Variants in ERBB4 observed in about 807,000 individuals in gnomAD.
The protein encoded by ERBB4 is receptor tyrosine-protein kinase erbB-4.
Under a neutral mutation model 158.0 loss-of-function variants are expected in ERBB4, and 42 were observed. The observed-to-expected ratio is 0.27, with a 90% CI of 0.21 to 0.34. The LOEUF (loss-of-function observed/expected upper bound fraction) is 0.34. ERBB4 is among the 10% of genes least tolerant of loss of function. The probability of loss-of-function intolerance (pLI) is 1.00; values close to 1 mark genes in which losing one functional copy is unlikely to be tolerated. For missense variants in ERBB4, 1,333 were observed against 1,624.1 expected (o/e 0.82, Z 3.08); for synonymous variants, 583 against 558.7 (o/e 1.04, Z -0.61).
At chr2:211,887,022 A>C (rs2106168669) in intron 3 of ERBB4, among the ~76,000 whole-genome samples, 1 of 152,310 alleles carries the variant, frequency 6.6e-6, no homozygotes, top group Admixed American at 6.5e-5. Context: ...GAAAAGCATT[A>C]AGTCTTCAAC....
At chr2:211,758,267 CA>C (rs1350909974) in intron 4 of ERBB4, among the ~76,000 whole-genome samples, 1 of 152,098 alleles carries the variant, frequency 6.6e-6, no homozygotes, top group African/African-American at 2.4e-5. Context: ...ATGCTCCTTC[CA>C]ACATGCCTTC....
At chr2:211,824,874 C>T (rs1446099100) in intron 3 of ERBB4, among the ~76,000 whole-genome samples, 2 of 151,898 alleles carry the variant, frequency 1.3e-5, no homozygotes, top group Non-Finnish European at 2.9e-5. Flanking sequence ...ATGTTAATTA[C>T]CGGACTGTAA....
intron 1 of ERBB4, among the ~76,000 whole-genome samples, chr2:212,255,502 C>T (rs1016463041): frequency 6.6e-6 from 1 of 152,142 alleles, no homozygotes; most frequent in Non-Finnish European, 1.5e-5. Flanking sequence ...ACCAAATAGT[C>T]TATCAGTTCT....
At chr2:212,218,921 T>C (rs978672046) in intron 1 of ERBB4, among the ~76,000 whole-genome samples, 7 of 151,428 alleles carry the variant, frequency 4.6e-5, no homozygotes, top group Admixed American at 4.0e-4. Flanking sequence ...GTTCACCATA[T>C]GTACTAGAAC....
intron 1 of ERBB4, among the ~76,000 whole-genome samples, chr2:212,210,540 T>C (rs1269827473): frequency 6.6e-6 from 1 of 152,050 alleles, no homozygotes; most frequent in Non-Finnish European, 1.5e-5. Context: ...ATGATATCCA[T>C]CAATCAGAGA....
At position 211,630,482 on chromosome 2, in the gene ERBB4, T is replaced by C; in HGVS notation, c.2059A>G (p.Arg687Gly). 1.2e-6 allele frequency: 2 copies of C among 1,613,420 alleles called. No homozygotes were observed. The highest frequency in any genetic ancestry group is 1.7e-6 in the Non-Finnish European group (2 of 1,179,444). The change falls in exon 17 of 28, where the codon AGA (arginine) becomes GGA (glycine). Residue 687 changes from arginine to glycine, a missense_variant. By Grantham distance (125) the Arg-to-Gly change is moderately radical. This residue lies in a region of ERBB4 where 314 missense variants were observed against 437.6 expected (regional missense o/e 0.72). Coordinates refer to ENST00000342788, the MANE Select transcript of ERBB4 (RefSeq NM_005235.3). ...CTCACCTCTGTTTCCAAGAATCTTC[T>C]CAAGGCTCTTTTCTTTTTGATGCTC... ...RKSIKKKRAL[R>G]RFLETELVEP...
chr2:211,480,330 G>A (rs765836581), intron 20 of ERBB4, among the ~76,000 whole-genome samples: 6 of 152,082 alleles, frequency 3.9e-5, no homozygotes, highest in Non-Finnish European at 7.4e-5. Context: ...TGTAATCCAC[G>A]GCATTGGGAG....
intron 1 of ERBB4, among the ~76,000 whole-genome samples, chr2:212,363,852 ATTATTGTC>A (rs920346438): frequency 7.3e-5 from 11 of 151,700 alleles, no homozygotes; most frequent in African/African-American, 2.7e-4. Context: ...CTACCAATTT[ATTATTGTC>A]CATGAATTCC....
chr2:211,978,363 AGTCTGTCTGTCT>A (rs36173850), intron 2 of ERBB4, among the ~76,000 whole-genome samples: 55 of 135,270 alleles, frequency 4.1e-4, no homozygotes, highest in Non-Finnish European at 6.9e-4. Context: ...AAGGAGTCTG[AGTCTGTCTGTCT>A]GTCTGTCTGT....
chr2:211,645,573 A>T (rs2070756186), intron 16 of ERBB4, among the ~76,000 whole-genome samples: 1 of 151,706 alleles, frequency 6.6e-6, no homozygotes, highest in South Asian at 2.1e-4. Flanking sequence ...ATCCATCAAG[A>T]TCTCTGTATA....
chr2:212,235,172 C>G (rs2083817451), intron 1 of ERBB4, among the ~76,000 whole-genome samples: 1 of 152,078 alleles, frequency 6.6e-6, no homozygotes, highest in Non-Finnish European at 1.5e-5. Flanking sequence ...AGGAAGGGGT[C>G]CAATTTCAGT....
chr2:212,409,059 A>G (rs186162289), intron 1 of ERBB4, among the ~76,000 whole-genome samples: 1 of 152,312 alleles, frequency 6.6e-6, no homozygotes, highest in Middle Eastern at 3.4e-3. Context: ...TCAAGAACAC[A>G]GACAAATTCA....
intron 20 of ERBB4, among the ~76,000 whole-genome samples, chr2:211,448,467 T>TACAC (rs3067955): frequency 0.17 from 26,000 of 149,524 alleles, 2,524 homozygotes; most frequent in East Asian, 0.25. Flanking sequence ...CCCAAACAGA[T>TACAC]ACACACACAC....
chr2:212,212,072 A>G (rs1409317525), intron 1 of ERBB4, among the ~76,000 whole-genome samples: 1 of 152,100 alleles, frequency 6.6e-6, no homozygotes, highest in Non-Finnish European at 1.5e-5. Flanking sequence ...CTTTGGGTAT[A>G]TACCCAGTAA....
intron 1 of ERBB4, among the ~76,000 whole-genome samples, chr2:212,370,800 T>C (rs2090058252): frequency 6.6e-6 from 1 of 152,154 alleles, no homozygotes; most frequent in African/African-American, 2.4e-5. Flanking sequence ...GTTTTAACCA[T>C]AATGTCAATA....
intron 2 of ERBB4, among the ~76,000 whole-genome samples, chr2:212,036,758 G>A (rs1342531158): frequency 6.6e-6 from 1 of 152,082 alleles, no homozygotes; most frequent in Non-Finnish European, 1.5e-5. Context: ...GCCACCGCAT[G>A]CCCGGCCAAA....
intron 1 of ERBB4, among the ~76,000 whole-genome samples, chr2:212,300,989 A>G (rs2086597918): frequency 6.6e-6 from 1 of 151,540 alleles, no homozygotes; most frequent in African/African-American, 2.4e-5. Flanking sequence ...ATATTTCTTC[A>G]TTGATGTCCT....
intron 2 of ERBB4, among the ~76,000 whole-genome samples, chr2:212,095,670 C>T (rs1457780298): frequency 6.6e-6 from 1 of 152,258 alleles, no homozygotes; most frequent in East Asian, 1.9e-4. Context: ...CGGTGGCTCA[C>T]GCCTATAATC....
intron 3 of ERBB4, among the ~76,000 whole-genome samples, chr2:211,813,360 T>C (rs541463372): frequency 3.3e-5 from 5 of 152,194 alleles, no homozygotes; most frequent in Non-Finnish European, 7.3e-5. Flanking sequence ...CTGTGTGGTT[T>C]TGAGACCTCT....
Sources: gnomAD v4.1 joint callset for allele counts (sites outside exome capture counted in the v4.1 genomes callset) on GRCh38, gnomAD v4.1.1 for gene constraint, gnomAD v4.1.1 regional missense constraint, MANE v1.5 for transcripts, NCBI Gene and HGNC (gene_info 2026-07-23, HGNC 2026-07-21) for gene names.